Variants in ADAMTSL1 observed in about 807,000 individuals in gnomAD.
ADAMTSL1 encodes ADAMTS like 1, also known as ADAMTS-like protein 1.
ADAMTSL1 carries 126 observed loss-of-function variants against 201.8 expected under a neutral mutation model. The observed-to-expected ratio is 0.62, with a 90% CI of 0.54 to 0.72. The LOEUF (loss-of-function observed/expected upper bound fraction) is 0.72. Ranked by LOEUF, ADAMTSL1 falls within the 30% of genes least tolerant of loss-of-function variation. The pLI is 0.00. For synonymous variants in ADAMTSL1, 1,121 were observed against 903.4 expected (o/e 1.24, Z -4.32); for missense variants, 2,679 against 2,277.8 (o/e 1.18, Z -3.59).
At chr9:18,131,088 C>A (rs1008140796) in intron 1 of ADAMTSL1, among the ~76,000 whole-genome samples, 7 of 152,128 alleles carry the variant, frequency 4.6e-5, no homozygotes, top group African/African-American at 1.4e-4. Context: ...TCTCTGCCAT[C>A]CTCGAGAAAG....
At chr9:18,893,964 G>C (rs1332404275) in intron 26 of ADAMTSL1, among the ~76,000 whole-genome samples, 2 of 152,210 alleles carry the variant, frequency 1.3e-5, no homozygotes, top group Non-Finnish European at 2.9e-5. Flanking sequence ...TGGGACACCT[G>C]TCTTGGGAGG....
In ADAMTSL1 at chr9:18,896,997, G is replaced by A. The variant is rs114235826; in HGVS notation, c.4851+4401G>A. Among the ~76,000 whole-genome samples the A allele has an allele frequency of 3.9e-3, 594 of 152,310 alleles. 5 individuals are homozygous for A. Among genetic ancestry groups the A allele is most frequent in the African/African-American group, 0.014 (569 of 41,560 alleles). On this transcript the variant is annotated intron_variant, in intron 26 of 28. Transcript: ENST00000380548. ...ACTGCCTGAGACAGATTAGTTCCTG[G>A]GGGAGGGGTAGCCACCATTTCTGTG...
intron 23 of ADAMTSL1, among the ~76,000 whole-genome samples, chr9:18,842,371 G>A (rs1825776735): frequency 6.6e-6 from 1 of 152,080 alleles, no homozygotes; most frequent in Non-Finnish European, 1.5e-5. Flanking sequence ...TTAATCCTGA[G>A]TTCTAGTTTG....
At chr9:17,926,590 A>G (rs958005371) in intron 1 of ADAMTSL1, among the ~76,000 whole-genome samples, 1 of 152,220 alleles carries the variant, frequency 6.6e-6, no homozygotes, top group African/African-American at 2.4e-5. Flanking sequence ...TCATTGTAGA[A>G]CTAATAGATT....
chr9:18,206,053 C>CAAAAAA (rs71333031), intron 2 of ADAMTSL1, among the ~76,000 whole-genome samples: 22 of 54,360 alleles, frequency 4.0e-4, no homozygotes, highest in South Asian at 1.0e-3. Flanking sequence ...GACTCCATCT[C>CAAAAAA]AAAAAAAAAA....
At chr9:18,300,575 C>A (rs1190234762) in intron 2 of ADAMTSL1, among the ~76,000 whole-genome samples, 2 of 152,098 alleles carry the variant, frequency 1.3e-5, no homozygotes, top group Non-Finnish European at 1.5e-5. Flanking sequence ...CAAAACTGCA[C>A]GTTGTGCACA....
chr9:18,399,326 T>TATATATAA (rs1817888538), intron 2 of ADAMTSL1, among the ~76,000 whole-genome samples: 3 of 112,074 alleles, frequency 2.7e-5, no homozygotes, highest in Non-Finnish European at 1.9e-5. Context: ...TATATATATA[T>TATATATAA]ATAAAATTAT....
At chr9:18,788,211 C>A (rs1821813754) in intron 19 of ADAMTSL1, among the ~76,000 whole-genome samples, 1 of 152,192 alleles carries the variant, frequency 6.6e-6, no homozygotes, top group Non-Finnish European at 1.5e-5. Context: ...TTCTCCCTTG[C>A]AAGCCTCTGG....
At chr9:18,537,422 T>C (rs1819841448) in intron 3 of ADAMTSL1, among the ~76,000 whole-genome samples, 1 of 152,150 alleles carries the variant, frequency 6.6e-6, no homozygotes, top group Non-Finnish European at 1.5e-5. Context: ...GAGAGTTTGC[T>C]GTGTCAAGGA....
At chr9:18,505,984 A>G (rs530795902) in intron 2 of ADAMTSL1, among the ~76,000 whole-genome samples, 1 of 152,308 alleles carries the variant, frequency 6.6e-6, no homozygotes, top group Admixed American at 6.5e-5. Context: ...TCTTCATTGA[A>G]ACATGAAAGA....
chr9:18,731,467 C>CA (rs1588004411), intron 15 of ADAMTSL1, among the ~76,000 whole-genome samples: 2 of 151,944 alleles, frequency 1.3e-5, no homozygotes. Context: ...CCTGTCTCTA[C>CA]AAAAAATACA....
At chr9:17,936,295 C>T (rs1827006593) in intron 1 of ADAMTSL1, among the ~76,000 whole-genome samples, 1 of 152,120 alleles carries the variant, frequency 6.6e-6, no homozygotes. Context: ...AAAAAAATCA[C>T]TGTAGTCCAT....
At chr9:18,150,621 T>C (rs184093211) in intron 1 of ADAMTSL1, among the ~76,000 whole-genome samples, 10 of 152,096 alleles carry the variant, frequency 6.6e-5, no homozygotes, top group Admixed American at 6.6e-4. Context: ...GGCTTGCTCT[T>C]GCTCTCTCTG....
intron 14 of ADAMTSL1, among the ~76,000 whole-genome samples, chr9:18,717,126 C>G (rs1191261052): frequency 6.7e-6 from 1 of 149,394 alleles, no homozygotes; most frequent in Non-Finnish European, 1.5e-5. Flanking sequence ...GGGAGATATA[C>G]CTAATGCCAG....
At chr9:18,104,331 A>C (rs576929138) in intron 1 of ADAMTSL1, among the ~76,000 whole-genome samples, 12 of 152,292 alleles carry the variant, frequency 7.9e-5, no homozygotes, top group Non-Finnish European at 1.5e-4. Context: ...ATTTTCACCC[A>C]AATAAAGGGA....
At chr9:18,302,408 A>G (rs534485155) in intron 2 of ADAMTSL1, among the ~76,000 whole-genome samples, 2 of 152,204 alleles carry the variant, frequency 1.3e-5, no homozygotes, top group African/African-American at 2.4e-5. Context: ...GGCAAAAAAA[A>G]GTTGAGTGCT....
Position 18,775,847 on chromosome 9 carries a change from C to T in ADAMTSL1, c.2502C>T (p.Pro834=). The change falls in exon 18 of 29, where the codon CCC becomes CCT. Residue 834 remains proline (P), a synonymous_variant. Transcript: ENST00000380548. The part of the protein sequence containing the change: ...STVVNSTLCP[P]LPFSSSIRPC... ...TTGTCAATTCCACCCTGTGCCCGCCCCTGCCTTTCTCTTCCTCCATCAGGC... is the reference window on the plus strand; with the variant it reads ...TTGTCAATTCCACCCTGTGCCCGCCTCTGCCTTTCTCTTCCTCCATCAGGC... The T allele has an allele frequency of 6.2e-7, 1 of 1,605,550 alleles. No homozygotes were observed. Among genetic ancestry groups the T allele is most frequent in the African/African-American group, 1.3e-5 (1 of 74,864 alleles).
intron 2 of ADAMTSL1, among the ~76,000 whole-genome samples, chr9:18,367,157 A>G (rs902243572): frequency 2.0e-5 from 3 of 152,170 alleles, no homozygotes; most frequent in Non-Finnish European, 4.4e-5. Context: ...TGCCCATTTA[A>G]TGGTTCCTAG....
chr9:18,030,700 T>G (rs952022787), intron 1 of ADAMTSL1, among the ~76,000 whole-genome samples: 1 of 152,120 alleles, frequency 6.6e-6, no homozygotes, highest in African/African-American at 2.4e-5. Flanking sequence ...CTAGAGAGAA[T>G]TGACCTCTCT....
Sources: allele counts gnomAD v4.1 joint callset (sites outside exome capture counted in the v4.1 genomes callset), GRCh38; gene constraint gnomAD v4.1.1; transcripts MANE v1.5; gene names NCBI Gene and HGNC (gene_info 2026-07-23, HGNC 2026-07-21).